SUCLG2: variants seen among roughly 807,000 people sequenced by gnomAD.
The protein encoded by SUCLG2 is succinate-CoA ligase GDP-forming subunit beta, also known as succinate--CoA ligase [GDP-forming] subunit beta, mitochondrial.
SUCLG2 carries 42 observed loss-of-function variants against 47.9 expected under a neutral mutation model. The observed-to-expected ratio is 0.88, with a 90% CI of 0.69 to 1.14. The LOEUF (loss-of-function observed/expected upper bound fraction) is 1.14, where lower values mean the gene tolerates loss of function less well. Ranked by LOEUF, SUCLG2 falls within the 50% of genes most tolerant of loss-of-function variation. The pLI is 0.00. For missense variants in SUCLG2, 571 were observed against 525.9 expected (o/e 1.09, Z -0.84); for synonymous variants, 195 against 197.3 (o/e 0.99, Z 0.10).
At chr3:67,604,137 T>G (rs142321032) in intron 2 of SUCLG2, among the ~76,000 whole-genome samples, 19 of 152,216 alleles carry the variant, frequency 1.2e-4, no homozygotes, top group Admixed American at 1.2e-3. Context: ...ATCTTACCAT[T>G]ATGAACAGTG....
intron 2 of SUCLG2, among the ~76,000 whole-genome samples, chr3:67,582,021 C>G (rs1465621197): frequency 6.6e-6 from 1 of 152,104 alleles, no homozygotes; most frequent in African/African-American, 2.4e-5. Context: ...CAGGTTAAAC[C>G]AAGCTAGATC....
chr3:67,398,426 A>G, intron 10 of SUCLG2, among the ~76,000 whole-genome samples: 1 of 151,820 alleles, frequency 6.6e-6, no homozygotes, highest in Non-Finnish European at 1.5e-5. Context: ...AAAAATGCTC[A>G]TCATCACTGG....
At chr3:67,399,160 T>C (rs910565003) in intron 10 of SUCLG2, among the ~76,000 whole-genome samples, 1 of 149,790 alleles carries the variant, frequency 6.7e-6, no homozygotes, top group African/African-American at 2.5e-5. Context: ...ACCCTAAAAC[T>C]TAAAGTATAA....
At chr3:67,505,804 A>C (rs1323639806) in intron 7 of SUCLG2, among the ~76,000 whole-genome samples, 1 of 152,102 alleles carries the variant, frequency 6.6e-6, no homozygotes, top group African/African-American at 2.4e-5. Flanking sequence ...TCTACTAAAA[A>C]TACAAAAATT....
intron 5 of SUCLG2, among the ~76,000 whole-genome samples, chr3:67,519,154 C>T (rs750277379): frequency 1.4e-4 from 21 of 152,012 alleles, no homozygotes; most frequent in Non-Finnish European, 2.5e-4. Flanking sequence ...CTGGGTCCCC[C>T]GGTTTTCTCC....
chr3:67,541,868 TTTTC>T (rs1450053594), intron 2 of SUCLG2, among the ~76,000 whole-genome samples: 4 of 151,886 alleles, frequency 2.6e-5, no homozygotes, highest in Non-Finnish European at 5.9e-5. Flanking sequence ...TCAACATTCT[TTTTC>T]TTTTTTTTTT....
chr3:67,618,999 A>T (rs1700681991), intron 1 of SUCLG2, among the ~76,000 whole-genome samples: 1 of 152,216 alleles, frequency 6.6e-6, no homozygotes, highest in South Asian at 2.1e-4. Flanking sequence ...CACATGTCTT[A>T]TCTAAGGCCT....
At chr3:67,432,975 G>C (rs755713537) in intron 9 of SUCLG2, among the ~76,000 whole-genome samples, 2 of 152,090 alleles carry the variant, frequency 1.3e-5, no homozygotes, top group Non-Finnish European at 2.9e-5. Context: ...AATTTCTCTC[G>C]AGCTTCCTGA....
At chr3:67,485,954 TG>T (rs1309740649) in intron 9 of SUCLG2, among the ~76,000 whole-genome samples, 6 of 152,222 alleles carry the variant, frequency 3.9e-5, no homozygotes, top group Non-Finnish European at 8.8e-5. Context: ...ACATTTAGAC[TG>T]GGGGTTTCTG....
At chr3:67,372,698 T>C (rs528860287), downstream of SUCLG2, among the ~76,000 whole-genome samples, 4 of 152,324 alleles carry the variant, frequency 2.6e-5, no homozygotes, top group African/African-American at 9.6e-5. Flanking sequence ...TCACAGGGTT[T>C]AAAATGGAAA....
intron 9 of SUCLG2, among the ~76,000 whole-genome samples, chr3:67,495,070 CA>C (rs1216847200): frequency 6.6e-6 from 1 of 152,120 alleles, no homozygotes; most frequent in Non-Finnish European, 1.5e-5. Flanking sequence ...CATTATTTCC[CA>C]GTGATTTTTG....
chr3:67,368,596 T>G (rs1701907054), intron 10 of SUCLG2, among the ~76,000 whole-genome samples: 1 of 151,972 alleles, frequency 6.6e-6, no homozygotes, highest in South Asian at 2.1e-4. Flanking sequence ...CATCTTCATT[T>G]TATTTATTTA....
At chr3:67,499,787 A>G (rs966049746) in intron 7 of SUCLG2, among the ~76,000 whole-genome samples, 2 of 152,016 alleles carry the variant, frequency 1.3e-5, no homozygotes, top group Admixed American at 6.6e-5. Flanking sequence ...GCTGGAGTGC[A>G]GTGGCGCAAT....
At chr3:67,544,520 G>A (rs1487479371) in intron 2 of SUCLG2, among the ~76,000 whole-genome samples, 1 of 152,048 alleles carries the variant, frequency 6.6e-6, no homozygotes, top group Non-Finnish European at 1.5e-5. Context: ...GTTTCCTGAG[G>A]CCTCCCCAGC....
At chr3:67,601,576 TGA>T (rs1708418889) in intron 2 of SUCLG2, among the ~76,000 whole-genome samples, 2 of 152,070 alleles carry the variant, frequency 1.3e-5, no homozygotes, top group African/African-American at 4.8e-5. Context: ...TACAATGGGG[TGA>T]GTCAAAGGCC....
intron 3 of SUCLG2, 143 bp from the exon 4 acceptor site, chr3:67,528,365 T>TAAACACGCAGCACATAA: frequency 1.4e-6 from 1 of 727,064 alleles, no homozygotes; most frequent in Non-Finnish European, 2.3e-6. Context: ...GCTTATGTGC[T>TAAACACGCAGCACATAA]GCGTGTTTAG....
At chr3:67,591,563 CA>C (rs1708165606) in intron 2 of SUCLG2, among the ~76,000 whole-genome samples, 1 of 152,152 alleles carries the variant, frequency 6.6e-6, no homozygotes, top group Non-Finnish European at 1.5e-5. Flanking sequence ...ATGGGTTTAT[CA>C]GGGGGTTCTG....
At chr3:67,420,142 T>C (rs1389952939) in intron 9 of SUCLG2, among the ~76,000 whole-genome samples, 2 of 151,952 alleles carry the variant, frequency 1.3e-5, no homozygotes, top group East Asian at 3.9e-4. Flanking sequence ...AGGAGAAAAA[T>C]GGGGAAAATG....
chr3:67,380,028 A>G (rs142940351), intron 10 of SUCLG2, among the ~76,000 whole-genome samples: 8 of 152,212 alleles, frequency 5.3e-5, no homozygotes, highest in East Asian at 3.8e-4. Flanking sequence ...CTCCAGATGG[A>G]TTCCCACATA....
Sources: gnomAD v4.1 joint callset for allele counts (sites outside exome capture counted in the v4.1 genomes callset) on GRCh38, gnomAD v4.1.1 for gene constraint, MANE v1.5 for transcripts, NCBI Gene and HGNC (gene_info 2026-07-23, HGNC 2026-07-21) for gene names.